MBTPS1: variants seen among roughly 807,000 people sequenced by gnomAD.
MBTPS1 encodes membrane bound transcription factor peptidase, site 1, also known as membrane-bound transcription factor site-1 protease.
Under a neutral mutation model 127.8 loss-of-function variants are expected in MBTPS1, and 94 were observed. That is an observed-to-expected ratio of 0.74 (90% CI 0.62 to 0.87). The LOEUF is 0.87. Ranked by LOEUF, MBTPS1 falls within the 40% of genes least tolerant of loss-of-function variation. The pLI is 0.00. For missense variants in MBTPS1, 1,636 were observed against 1,353.2 expected, an observed-to-expected ratio of 1.21 and a Z score of -3.28; for synonymous variants, 632 against 509.4, an observed-to-expected ratio of 1.24 and a Z score of -3.24.
rs374397087 is a variant in MBTPS1, at chr16:84,063,225, C to G, written c.2572+80G>C. 134 of 1,484,078 alleles carry G rather than the reference C, an allele frequency of 9.0e-5. 3 individuals carry two copies. In the South Asian group the frequency reaches 1.6e-3, roughly 17 times the overall value. The allele number at this position is 1,484,078 out of a possible 1,614,324, so 91.9% of individuals were successfully genotyped here. A position where few individuals can be genotyped will look rare whatever the true frequency, so the allele number is the denominator to read the frequency against. The stretch of plus-strand genomic sequence containing the variant: ...CAGATGTCGGCTGATCTGCCAGCAT[C>G]TCACGGGCGCCTTTCCAGAGACAAA... On this transcript the variant is annotated intron_variant, in intron 19 of 22. Coordinates refer to ENST00000343411, the MANE Select transcript of MBTPS1 (RefSeq NM_003791.4).
intron 9 of MBTPS1, 137 bp from the exon 10 acceptor site, chr16:84,085,271 C>A: frequency 1.1e-6 from 1 of 875,250 alleles, no homozygotes. Context: ...TGGTTTTAGT[C>A]TGAAATTCAC....
At chr16:84,084,041 C>T (rs1000056151) in intron 10 of MBTPS1, among the ~76,000 whole-genome samples, 1 of 152,060 alleles carries the variant, frequency 6.6e-6, no homozygotes, top group Non-Finnish European at 1.5e-5. Flanking sequence ...TTCACTGCAG[C>T]CTCCTCCTCC....
At chr16:84,089,709 G>A (rs916282395) in intron 8 of MBTPS1, among the ~76,000 whole-genome samples, 2 of 152,136 alleles carry the variant, frequency 1.3e-5, no homozygotes, top group African/African-American at 4.8e-5. Flanking sequence ...GTGGCAGGTC[G>A]GACCTGTCTG....
intron 19 of MBTPS1, chr16:84,061,415 T>TG (rs1166983451): frequency 1.3e-5 from 2 of 152,258 alleles, no homozygotes; most frequent in African/African-American, 4.8e-5. Context: ...TCCTCATGGA[T>TG]GGGGGCAGAA....
chr16:84,101,527 G>C, intron 2 of MBTPS1, 94 bp downstream of exon 2: 2 of 1,026,328 alleles, frequency 1.9e-6, no homozygotes, highest in South Asian at 3.6e-5. Flanking sequence ...CTGTAGAAAA[G>C]AGGAACATGT....
At chr16:84,096,593 A>G (rs999718874) in intron 3 of MBTPS1, among the ~76,000 whole-genome samples, 3 of 152,248 alleles carry the variant, frequency 2.0e-5, no homozygotes, top group African/African-American at 7.2e-5. Flanking sequence ...CATATTTCAA[A>G]TCAGTTTTAA....
At chr16:84,062,717 C>G (rs2085631129) in intron 19 of MBTPS1, among the ~76,000 whole-genome samples, 1 of 152,218 alleles carries the variant, frequency 6.6e-6, no homozygotes, top group Admixed American at 6.5e-5. Flanking sequence ...TGCCCAACCT[C>G]AAGCCCCCAA....
chr16:84,078,944 C>T (rs2085899286), intron 11 of MBTPS1, among the ~76,000 whole-genome samples: 1 of 152,194 alleles, frequency 6.6e-6, no homozygotes, highest in Non-Finnish European at 1.5e-5. Flanking sequence ...GGTTTGGATG[C>T]TCGCCCCCTC....
intron 6 of MBTPS1, 22 bp from the exon 7 acceptor site, chr16:84,091,870 C>A: frequency 7.5e-7 from 1 of 1,327,376 alleles, no homozygotes; most frequent in Non-Finnish European, 1.1e-6. Context: ...TTATAACAGT[C>A]TGCTTAGTGT....
chr16:84,062,277 C>T (rs567333734), intron 19 of MBTPS1, among the ~76,000 whole-genome samples: 3 of 152,306 alleles, frequency 2.0e-5, no homozygotes, highest in African/African-American at 2.4e-5. Flanking sequence ...CACGCCACCA[C>T]GCCTGGCTAA....
Position 84,068,375 on chromosome 16 carries a change from C to G in MBTPS1, c.2035G>C (p.Gly679Arg). 5 of 1,614,212 alleles carry G rather than the reference C, an allele frequency of 3.1e-6. No homozygotes were observed. The highest frequency in any genetic ancestry group is 4.2e-6 in the Non-Finnish European group (5 of 1,180,020). The change falls in exon 15 of 23, where the codon GGG becomes CGG. Residue 679 changes from glycine (G) to arginine (R), a missense_variant. Coordinates refer to ENST00000343411, the MANE Select transcript of MBTPS1 (RefSeq NM_003791.4). ...GCATCAAAACACGTGAAGGGGGCCC[C>G]GAGGACCTCTACAAAGTAGCCCATG... is the stretch of plus-strand genomic sequence containing the variant. ...RSMGYFVEVL[G>R]APFTCFDASQ...
intron 1 of MBTPS1, among the ~76,000 whole-genome samples, chr16:84,115,115 G>A (rs570379483): frequency 1.3e-5 from 2 of 152,162 alleles, no homozygotes; most frequent in South Asian, 2.1e-4. Flanking sequence ...TTTCAGTAGA[G>A]ACGGGATTTC....
At position 84,074,699 on chromosome 16, in the gene MBTPS1, C is replaced by T. The variant is rs963605322; in HGVS notation, c.1491G>A (p.Met497Ile). The change falls in exon 12 of 23, where the codon ATG becomes ATA. Residue 497 changes from methionine (M) to isoleucine (I), a missense_variant. Coordinates refer to ENST00000343411, the MANE Select transcript of MBTPS1 (RefSeq NM_003791.4). ...AGATGGGCTGGGAGCAGTAGGGCCA[C>T]ATGTAGGGACACTCAGTCAGATCTA... Reference protein sequence around the residue: ...SYIDLTECPYMWPYCSQPIYY... With the variant: ...SYIDLTECPYIWPYCSQPIYY... The T allele has an allele frequency of 6.2e-7, 1 of 1,614,118 alleles. No homozygotes were observed. The highest frequency in any genetic ancestry group is 8.5e-7 in the Non-Finnish European group (1 of 1,179,986).
chr16:84,103,875 G>C (rs921267240), intron 1 of MBTPS1, among the ~76,000 whole-genome samples: 1 of 152,206 alleles, frequency 6.6e-6, no homozygotes, highest in African/African-American at 2.4e-5. Context: ...ATGAGTCAAA[G>C]TTTAAAGCAG....
intron 3 of MBTPS1, among the ~76,000 whole-genome samples, chr16:84,098,664 G>C (rs1002921591): frequency 6.6e-6 from 1 of 152,018 alleles, no homozygotes; most frequent in Admixed American, 6.6e-5. Context: ...TGAGAGAAGC[G>C]AAATGCAAGG....
At chr16:84,091,195 G>C (rs1038544087) in intron 7 of MBTPS1, among the ~76,000 whole-genome samples, 2 of 152,130 alleles carry the variant, frequency 1.3e-5, no homozygotes, top group African/African-American at 4.8e-5. Context: ...GTTTAGGTAA[G>C]AAAGAATTGG....
intron 1 of MBTPS1, among the ~76,000 whole-genome samples, chr16:84,105,550 G>A (rs2086311631): frequency 6.6e-6 from 1 of 152,078 alleles, no homozygotes; most frequent in Non-Finnish European, 1.5e-5. Context: ...GAGGGAGGGA[G>A]GAGCAGAGCA....
At position 84,066,405 on chromosome 16, in the gene MBTPS1, T is replaced by C. The variant is rs1361831133; in HGVS notation, c.2353+84A>G. 4 of 1,420,874 alleles carry C rather than the reference T, an allele frequency of 2.8e-6. No individual in the cohort carries two copies. In the African/African-American group the frequency reaches 5.7e-5, roughly 20 times the overall value. 88.0% of individuals were successfully genotyped at this position (1,420,874 alleles called of 1,614,324 possible). A position where few individuals can be genotyped will look rare whatever the true frequency, so the allele number is the denominator to read the frequency against. On this transcript the variant is annotated intron_variant, in intron 17 of 22. Transcript: ENST00000343411. ...CCAGCTAACTGAGGGATCACCATTC[T>C]CTTTCTCAAGAAATCTAGACTTCAG...
chr16:84,056,405 A>C, intron 21 of MBTPS1: 1 of 338,388 alleles, frequency 3.0e-6, no homozygotes, highest in East Asian at 6.2e-5. Flanking sequence ...TTTTGCATAA[A>C]GCTAAACATG....
Sources: allele counts gnomAD v4.1 joint callset (sites outside exome capture counted in the v4.1 genomes callset), GRCh38; gene constraint gnomAD v4.1.1; transcripts MANE v1.5; gene names NCBI Gene and HGNC (gene_info 2026-07-23, HGNC 2026-07-21).